LARGE1: variants seen among roughly 807,000 people sequenced by gnomAD.
LARGE1 encodes the protein xylosyl- and glucuronyltransferase LARGE1.
A neutral mutation model predicts 87.6 loss-of-function variants in LARGE1; 43 were observed. The ratio of observed to expected loss-of-function variants is 0.49; its 90% CI spans 0.38 to 0.63. The LOEUF (loss-of-function observed/expected upper bound fraction) is 0.63. LARGE1 is among the 30% of genes least tolerant of loss of function. LARGE1 has a pLI of 0.00. For missense variants in LARGE1, 802 were observed against 1,000.2 expected, an observed-to-expected ratio of 0.80 and a Z score of 2.67; for synonymous variants, 434 against 394.6, an observed-to-expected ratio of 1.10 and a Z score of -1.18.
intron 1 of LARGE1, among the ~76,000 whole-genome samples, chr22:33,806,581 GAAAA>G (rs2146125075): frequency 6.6e-6 from 1 of 152,292 alleles, no homozygotes; most frequent in Admixed American, 6.5e-5. Flanking sequence ...TAAGCTCCTT[GAAAA>G]CGGGGCAAGA....
chr22:33,854,939 T>C (rs972154077), intron 1 of LARGE1, among the ~76,000 whole-genome samples: 2 of 152,130 alleles, frequency 1.3e-5, no homozygotes, highest in African/African-American at 4.8e-5. Context: ...GATTGCAGCA[T>C]TACAAAACCC....
intron 3 of LARGE1, among the ~76,000 whole-genome samples, chr22:33,644,540 T>C (rs1476709598): frequency 6.6e-6 from 1 of 152,132 alleles, no homozygotes; most frequent in Non-Finnish European, 1.5e-5. Context: ...CTATTTAACA[T>C]AGTGTTGGAA....
chr22:33,391,116 C>T lies in LARGE1; in HGVS notation c.893-6812G>A, dbSNP rs143595941. ...CAAGTGTTGCAATTACAGGTGTGAGCCACCGTGCCCAGCCTACCACAGGTT... is the reference window on the plus strand; with the variant it reads ...CAAGTGTTGCAATTACAGGTGTGAGTCACCGTGCCCAGCCTACCACAGGTT... On this transcript the variant is annotated intron_variant, in intron 7 of 14. Transcript: ENST00000397394. 3.3e-4 allele frequency among the ~76,000 whole-genome samples: 50 copies of T among 152,292 alleles called. 1 individual carries two copies. In the East Asian group the frequency reaches 9.3e-3, roughly 28 times the overall value.
chr22:33,370,865 A>G (rs1219015957), intron 9 of LARGE1, among the ~76,000 whole-genome samples: 2 of 149,338 alleles, frequency 1.3e-5, no homozygotes, highest in East Asian at 3.9e-4. Flanking sequence ...TAATAAATTA[A>G]TAATATTCAA....
At chr22:33,630,064 TG>T (rs1032734558) in intron 3 of LARGE1, among the ~76,000 whole-genome samples, 1 of 152,120 alleles carries the variant, frequency 6.6e-6, no homozygotes, top group African/African-American at 2.4e-5. Flanking sequence ...CCAGGTGTGG[TG>T]GCGTGTGCCT....
intron 11 of LARGE1, among the ~76,000 whole-genome samples, chr22:33,313,315 T>G (rs1935807286): frequency 6.6e-6 from 1 of 152,074 alleles, no homozygotes; most frequent in Non-Finnish European, 1.5e-5. Context: ...AGGTACTACC[T>G]CCCCTCGGAC....
At position 33,920,413 on chromosome 22, in the gene LARGE1, G is replaced by A. The variant is rs999107733; in HGVS notation, c.-501C>T. On this transcript the variant is annotated 5_prime_UTR_variant, in exon 1 of 15. Coordinates refer to ENST00000397394, the MANE Select transcript of LARGE1 (RefSeq NM_133642.5). Reference sequence around the variant, plus strand: ...GCCCGCGAACAGCCCGGCGAGACGAGCGCGGCCGCGCCCCCAGCTTCGGGC... The same window carrying A: ...GCCCGCGAACAGCCCGGCGAGACGAACGCGGCCGCGCCCCCAGCTTCGGGC... 3.3e-5 allele frequency: 5 copies of A among 149,866 alleles called. No individual in the cohort carries two copies. The highest frequency in any genetic ancestry group is 1.3e-4 in the Admixed American group (2 of 15,090). The allele number at this position is 149,866 out of a possible 1,614,324, so 9.3% of individuals were successfully genotyped here.
intron 1 of LARGE1, among the ~76,000 whole-genome samples, chr22:33,853,019 GA>G (rs1332361514): frequency 6.6e-6 from 1 of 152,088 alleles, no homozygotes; most frequent in Non-Finnish European, 1.5e-5. Flanking sequence ...ATATGAAACT[GA>G]AACATGAGAA....
At chr22:33,176,799 A>G (rs1049728986) in intron 11 of LARGE1, among the ~76,000 whole-genome samples, 1 of 152,224 alleles carries the variant, frequency 6.6e-6, no homozygotes, top group African/African-American at 2.4e-5. Flanking sequence ...CAGCAATCTC[A>G]TTACTGGATA....
chr22:33,462,582 A>G (rs796895369), intron 6 of LARGE1, among the ~76,000 whole-genome samples: 4 of 152,290 alleles, frequency 2.6e-5, no homozygotes, highest in African/African-American at 9.6e-5. Context: ...GGAGTTTGAG[A>G]CTAGCCTGGC....
intron 6 of LARGE1, among the ~76,000 whole-genome samples, chr22:33,469,071 C>G (rs1186482311): frequency 6.6e-6 from 1 of 152,160 alleles, no homozygotes; most frequent in African/African-American, 2.4e-5. Flanking sequence ...AAAGGGAATG[C>G]TTATACACTG....
intron 2 of LARGE1, among the ~76,000 whole-genome samples, chr22:33,658,735 C>T (rs2081040902): frequency 6.6e-6 from 1 of 152,090 alleles, no homozygotes; most frequent in South Asian, 2.1e-4. Context: ...GGGAATAGTG[C>T]TGCAATAAAC....
chr22:33,649,674 G>A (rs1201545374), intron 3 of LARGE1, among the ~76,000 whole-genome samples: 1 of 152,128 alleles, frequency 6.6e-6, no homozygotes, highest in African/African-American at 2.4e-5. Context: ...TCTCTCAAAA[G>A]GCCTTCCTAT....
intron 11 of LARGE1, among the ~76,000 whole-genome samples, chr22:33,230,845 T>C (rs1925972999): frequency 6.6e-6 from 1 of 152,244 alleles, no homozygotes; most frequent in South Asian, 2.1e-4. Flanking sequence ...AGACCATCCA[T>C]AGACACCTCT....
chr22:33,416,906 C>CTTTT lies in LARGE1; in HGVS notation c.892+15251_892+15254dup, dbSNP rs35018256. ...ACAGGTGTGAGGCACCACGCCCGGA[C>CTTTT]TTTTTTTTTTTTTTTTTTTGAGACA... On this transcript the variant is annotated intron_variant, in intron 7 of 14. Transcript: ENST00000397394. Among the ~76,000 whole-genome samples the CTTTT allele has an allele frequency of 1.8e-3, 161 of 90,136 alleles. 14 individuals are homozygous for CTTTT. The highest frequency in any genetic ancestry group is 7.7e-3 in the African/African-American group (134 of 17,430). 59.1% of individuals were successfully genotyped at this position (90,136 alleles called of 152,430 possible).
intron 11 of LARGE1, among the ~76,000 whole-genome samples, chr22:33,263,657 A>G (rs1927767847): frequency 6.6e-6 from 1 of 152,260 alleles, no homozygotes; most frequent in Non-Finnish European, 1.5e-5. Flanking sequence ...GCCTGAGCAC[A>G]GGTCTGCCAT....
chr22:33,184,610 A>G (rs1374675085), intron 11 of LARGE1, among the ~76,000 whole-genome samples: 1 of 151,940 alleles, frequency 6.6e-6, no homozygotes, highest in East Asian at 1.9e-4. Context: ...CAATGAAAGA[A>G]AAAAACAAAA....
At chr22:33,454,205 C>T (rs1011833690) in intron 6 of LARGE1, among the ~76,000 whole-genome samples, 3 of 152,072 alleles carry the variant, frequency 2.0e-5, no homozygotes, top group African/African-American at 4.8e-5. Flanking sequence ...AGGGGGTGCA[C>T]GTACCATAAA....
intron 12 of LARGE1, among the ~76,000 whole-genome samples, chr22:33,287,188 T>C (rs1686363485): frequency 6.6e-6 from 1 of 152,232 alleles, no homozygotes; most frequent in Non-Finnish European, 1.5e-5. Flanking sequence ...CATCCATTAT[T>C]TGCTTTGTTT....
Sources: gnomAD v4.1 joint callset for allele counts (sites outside exome capture counted in the v4.1 genomes callset) on GRCh38, gnomAD v4.1.1 for gene constraint, MANE v1.5 for transcripts, NCBI Gene and HGNC (gene_info 2026-07-23, HGNC 2026-07-21) for gene names.